FBXO11: variants seen among roughly 807,000 people sequenced by gnomAD.
FBXO11 encodes F-box protein 11, also known as F-box only protein 11.
FBXO11 carries 13 observed loss-of-function variants against 117.0 expected under a neutral mutation model. The observed-to-expected ratio is 0.11, with a 90% CI of 0.07 to 0.18. The LOEUF is 0.18. Among genes scored for constraint, FBXO11 ranks in the 10% least tolerant of loss-of-function variants. FBXO11 has a pLI of 1.00. For synonymous variants in FBXO11, 490 were observed against 380.5 expected (o/e 1.29, Z -3.35); for missense variants, 767 against 1,164.4 (o/e 0.66, Z 4.97).
chr2:47,812,787 A>G (rs1670717477), intron 18 of FBXO11: 1 of 216,392 alleles, frequency 4.6e-6, no homozygotes, highest in African/African-American at 2.4e-5. Context: ...CTTTATGAAT[A>G]CCAAACCAGG....
chr2:47,834,582 C>A lies in FBXO11; in HGVS notation c.931G>T (p.Ala311Ser), dbSNP rs1272860531. The A allele has an allele frequency of 1.9e-6, 3 of 1,565,672 alleles. No individual in the cohort carries two copies. The highest frequency in any genetic ancestry group is 2.8e-5 in the African/African-American group (2 of 72,592). ...ATGACAATGCATTTCAAAATACCTG[C>A]ACCAATCATGGTGATTGGAGATTCA... ...YIESPITMIG[A>S]APGKVADKVI... Residue 311 changes from alanine (A) to serine (S), a missense_variant, in exon 7 of 23, where the codon GCA becomes TCA. Coordinates refer to ENST00000403359, the MANE Select transcript of FBXO11 (RefSeq NM_001190274.2).
At chr2:47,814,464 G>T (rs937545538) in intron 16 of FBXO11, among the ~76,000 whole-genome samples, 5 of 146,544 alleles carry the variant, frequency 3.4e-5, no homozygotes, top group Non-Finnish European at 7.4e-5. Flanking sequence ...CTGCAGCCTC[G>T]AACTCTTGGG....
In FBXO11 at chr2:47,905,522, G is replaced by A. The variant is rs1443082047; in HGVS notation, c.199C>T (p.Leu67=). ...PPPPPPPPPP[L]PQERNNVGER... is the part of the protein sequence containing the mutation. ...CCGACGTTGTTCCGCTCCTGAGGCA[G>A]CGGCGGAGGCGGCGGTGGCGGCGGC... Residue 67 remains leucine (L), a synonymous_variant, in exon 1 of 23, where the codon CTG becomes TTG. Transcript: ENST00000403359. The A allele has an allele frequency of 1.6e-6, 2 of 1,233,358 alleles. No individual in the cohort carries two copies. Among genetic ancestry groups the A allele is most frequent in the African/African-American group, 1.6e-5 (1 of 63,296 alleles). 76.4% of individuals were successfully genotyped at this position (1,233,358 alleles called of 1,614,324 possible).
intron 1 of FBXO11, among the ~76,000 whole-genome samples, chr2:47,863,235 T>G (rs551257029): frequency 1.3e-5 from 2 of 152,286 alleles, no homozygotes; most frequent in Admixed American, 1.3e-4. Context: ...AAAAATGCTA[T>G]AGGAGAGCTA....
At chr2:47,842,779 TAAAA>T (rs34363506) in intron 1 of FBXO11, among the ~76,000 whole-genome samples, 2 of 134,040 alleles carry the variant, frequency 1.5e-5, no homozygotes, top group East Asian at 2.1e-4. Context: ...AATTTTTCTT[TAAAA>T]AAAAAAAAAA....
intron 1 of FBXO11, among the ~76,000 whole-genome samples, chr2:47,850,316 G>A (rs1416147180): frequency 6.6e-6 from 1 of 152,146 alleles, no homozygotes; most frequent in Non-Finnish European, 1.5e-5. Flanking sequence ...AGGTACCTGT[G>A]AGACATTCAA....
In FBXO11 at chr2:47,872,384, G is replaced by A. The variant is rs1190307195; in HGVS notation, c.233-32615C>T. ...CTGTTGCACAGGCTGCACTGCAATG[G>A]TGTAGTCTTGGCTCACTGCAACCTC... On this transcript the variant is annotated intron_variant, in intron 1 of 22. Transcript: ENST00000403359. Among the ~76,000 whole-genome samples, 5 of 152,312 alleles carry A rather than the reference G, an allele frequency of 3.3e-5. 1 individual carries two copies. The highest frequency in any genetic ancestry group is 6.8e-3 in the Middle Eastern group (2 of 294).
intron 18 of FBXO11, chr2:47,812,933 G>GA (rs1558404115): frequency 3.2e-6 from 1 of 314,516 alleles, no homozygotes; most frequent in African/African-American, 2.2e-5. Context: ...ACTTGACTTT[G>GA]AAGTTTATTA....
In FBXO11 at chr2:47,905,601, C is replaced by A. The variant is rs1173097159; in HGVS notation, c.120G>T (p.Pro40=). The A allele has an allele frequency of 2.3e-5, 30 of 1,300,608 alleles. No homozygotes were observed. Among genetic ancestry groups the A allele is most frequent in the Non-Finnish European group, 2.6e-5 (27 of 1,025,472 alleles). 80.6% of individuals were successfully genotyped at this position (1,300,608 alleles called of 1,614,324 possible). The change falls in exon 1 of 23, where the codon CCG becomes CCT. Residue 40 remains proline (P), a synonymous_variant. Transcript: ENST00000403359. ...GCGGCGGCGGAGGCTGCTGCTGGGG[C>A]GGCTGCTGCTGGGGCGGCTGCGGCG... ...QPPPQPPQQQ[P]PQQQPPPPPQ...
At chr2:47,873,989 T>A (rs553100661) in intron 1 of FBXO11, among the ~76,000 whole-genome samples, 1 of 151,928 alleles carries the variant, frequency 6.6e-6, no homozygotes, top group African/African-American at 2.4e-5. Flanking sequence ...CCGAGGTGGG[T>A]GGATCACGGG....
chr2:47,900,539 G>C (rs557759719), intron 1 of FBXO11, among the ~76,000 whole-genome samples: 2 of 129,374 alleles, frequency 1.5e-5, no homozygotes, highest in Non-Finnish European at 3.6e-5. Context: ...GTACAGTGTC[G>C]AGAAAAAAGT....
At chr2:47,870,075 G>A (rs550798604) in intron 1 of FBXO11, among the ~76,000 whole-genome samples, 1 of 152,170 alleles carries the variant, frequency 6.6e-6, no homozygotes, top group Non-Finnish European at 1.5e-5. Flanking sequence ...AAACACAAAG[G>A]CCTCTCCAAG....
chr2:47,891,932 A>G (rs944790204), intron 1 of FBXO11, among the ~76,000 whole-genome samples: 2 of 152,116 alleles, frequency 1.3e-5, no homozygotes. Flanking sequence ...GAGAATGTCT[A>G]TTGAAGTCTT....
intron 21 of FBXO11, chr2:47,808,790 G>C (rs914637815): frequency 3.8e-6 from 1 of 261,320 alleles, no homozygotes; most frequent in Non-Finnish European, 7.2e-6. Context: ...GAAATTTCTA[G>C]GAAAACATTA....
At chr2:47,873,222 T>G (rs1367628193) in intron 1 of FBXO11, among the ~76,000 whole-genome samples, 1 of 152,232 alleles carries the variant, frequency 6.6e-6, no homozygotes, top group East Asian at 1.9e-4. Context: ...ACTTTTCATA[T>G]GCAGACTTGC....
At chr2:47,867,390 C>A (rs951980222) in intron 1 of FBXO11, among the ~76,000 whole-genome samples, 1 of 152,190 alleles carries the variant, frequency 6.6e-6, no homozygotes, top group Non-Finnish European at 1.5e-5. Flanking sequence ...AGTTCTCATA[C>A]TGGCAATTAA....
intron 1 of FBXO11, among the ~76,000 whole-genome samples, chr2:47,862,438 C>G (rs1388644270): frequency 6.6e-6 from 1 of 152,130 alleles, no homozygotes; most frequent in African/African-American, 2.4e-5. Flanking sequence ...AAAATCTAAT[C>G]TGTGAGGCAA....
intron 1 of FBXO11, among the ~76,000 whole-genome samples, chr2:47,871,172 G>A (rs936719703): frequency 1.3e-5 from 2 of 152,166 alleles, no homozygotes; most frequent in Non-Finnish European, 2.9e-5. Context: ...GTAGCTACCT[G>A]CTTGCTCTCT....
intron 11 of FBXO11, among the ~76,000 whole-genome samples, chr2:47,830,012 G>A (rs1461969097): frequency 2.0e-5 from 3 of 152,004 alleles, no homozygotes; most frequent in African/African-American, 4.8e-5. Context: ...AAACCACGGA[G>A]ACATGGTAAG....
Sources: gnomAD v4.1 joint callset for allele counts (sites outside exome capture counted in the v4.1 genomes callset) on GRCh38, gnomAD v4.1.1 for gene constraint, MANE v1.5 for transcripts, NCBI Gene and HGNC (gene_info 2026-07-23, HGNC 2026-07-21) for gene names.